FHL2: variants seen among roughly 807,000 people sequenced by gnomAD.
FHL2 encodes the protein four and a half LIM domains 2.
Under a neutral mutation model 32.7 loss-of-function variants are expected in FHL2, and 20 were observed. The ratio of observed to expected loss-of-function variants is 0.61; its 90% CI spans 0.43 to 0.89. The LOEUF is 0.89. Ranked by LOEUF, FHL2 falls within the 40% of genes least tolerant of loss-of-function variation. The pLI, the probability that FHL2 is intolerant of heterozygous loss-of-function variation, is 0.00. For synonymous variants in FHL2, 123 were observed against 128.1 expected (o/e 0.96, Z 0.27); for missense variants, 311 against 358.6 (o/e 0.87, Z 1.07).
intron 2 of FHL2, among the ~76,000 whole-genome samples, chr2:105,394,502 G>A (rs568094838): frequency 2.0e-5 from 3 of 151,914 alleles, no homozygotes; most frequent in East Asian, 3.9e-4. Flanking sequence ...GAGCCCAGGG[G>A]TTTGAGGCTT....
At chr2:105,423,688 G>C (rs188137500) in intron 1 of FHL2, among the ~76,000 whole-genome samples, 178 of 152,256 alleles carry the variant, frequency 1.2e-3, no homozygotes, top group African/African-American at 4.1e-3. Context: ...ATATAGACCA[G>C]TGGAACATAA....
chr2:105,431,537 C>T (rs1324959494), intron 1 of FHL2, among the ~76,000 whole-genome samples: 1 of 152,178 alleles, frequency 6.6e-6, no homozygotes, highest in Non-Finnish European at 1.5e-5. Context: ...CAGGGCAGTG[C>T]TTGGCACAGC....
chr2:105,376,868 T>C (rs1002997771), intron 3 of FHL2: 2 of 152,254 alleles, frequency 1.3e-5, no homozygotes, highest in African/African-American at 4.8e-5. Flanking sequence ...TGCTACAGCA[T>C]GGATGAATCT....
intron 1 of FHL2, among the ~76,000 whole-genome samples, chr2:105,411,957 C>G (rs1683806264): frequency 6.6e-6 from 1 of 152,148 alleles, no homozygotes; most frequent in South Asian, 2.1e-4. Flanking sequence ...GAATAAATCT[C>G]ACTCCATCCC....
chr2:105,429,946 AC>A (rs1435801531), intron 1 of FHL2, among the ~76,000 whole-genome samples: 1 of 152,174 alleles, frequency 6.6e-6, no homozygotes, highest in African/African-American at 2.4e-5. Context: ...CAAGTGACCG[AC>A]AAGGTTACTG....
chr2:105,399,301 G>C (rs1200989405), upstream of FHL2: 1 of 1,535,726 alleles, frequency 6.5e-7, no homozygotes, highest in African/African-American at 1.4e-5. Context: ...CGCCTCCGGC[G>C]TGGGCTCTCG....
chr2:105,435,585 G>A (rs1573416134), intron 1 of FHL2, among the ~76,000 whole-genome samples: 2 of 152,154 alleles, frequency 1.3e-5, no homozygotes, highest in South Asian at 4.1e-4. Context: ...ACTTTGGGAG[G>A]CTGAGGCAGG....
At chr2:105,391,415 G>T (rs530189618) in intron 2 of FHL2, among the ~76,000 whole-genome samples, 1 of 152,268 alleles carries the variant, frequency 6.6e-6, no homozygotes, top group South Asian at 2.1e-4. Context: ...TGCTATCTGT[G>T]CTAGGAACAG....
At chr2:105,393,280 T>C (rs923925477) in intron 2 of FHL2, among the ~76,000 whole-genome samples, 2 of 152,118 alleles carry the variant, frequency 1.3e-5, no homozygotes, top group Non-Finnish European at 2.9e-5. Flanking sequence ...TCCTCTAACA[T>C]AGCCATTTCC....
intron 1 of FHL2, among the ~76,000 whole-genome samples, chr2:105,430,656 G>A (rs1371741127): frequency 2.0e-5 from 3 of 152,158 alleles, no homozygotes; most frequent in Non-Finnish European, 2.9e-5. Context: ...CAACAAGAGC[G>A]AAACTCCATC....
chr2:105,362,629 C>G (rs1337465971), intron 6 of FHL2, among the ~76,000 whole-genome samples: 2 of 152,218 alleles, frequency 1.3e-5, no homozygotes, highest in Non-Finnish European at 2.9e-5. Flanking sequence ...ACACTTTTCT[C>G]TCCCCACCCA....
At chr2:105,368,162 G>T (rs925260585) in intron 4 of FHL2, among the ~76,000 whole-genome samples, 6 of 152,160 alleles carry the variant, frequency 3.9e-5, no homozygotes, top group South Asian at 4.1e-4. Context: ...ACCCCGTCTG[G>T]TTCACAGCAG....
At chr2:105,415,703 G>A (rs1482190977) in intron 1 of FHL2, among the ~76,000 whole-genome samples, 1 of 152,144 alleles carries the variant, frequency 6.6e-6, no homozygotes, top group Non-Finnish European at 1.5e-5. Flanking sequence ...TCCTAAAATA[G>A]AACCAACAAT....
At chr2:105,374,895 T>C (rs1459935079) in intron 3 of FHL2, among the ~76,000 whole-genome samples, 1 of 152,228 alleles carries the variant, frequency 6.6e-6, no homozygotes, top group African/African-American at 2.4e-5. Context: ...CTCTGCACGG[T>C]TTCCTGGGCA....
chr2:105,420,820 G>A (rs539144837), intron 1 of FHL2, among the ~76,000 whole-genome samples: 2 of 152,292 alleles, frequency 1.3e-5, no homozygotes, highest in East Asian at 3.9e-4. Flanking sequence ...GCTCCTGTAA[G>A]TATCTAACGC....
At chr2:105,414,547 T>C (rs1037572843) in intron 1 of FHL2, among the ~76,000 whole-genome samples, 2 of 151,898 alleles carry the variant, frequency 1.3e-5, no homozygotes, top group African/African-American at 4.8e-5. Flanking sequence ...AGGTTTTTGT[T>C]TGGTTTGGTT....
At chr2:105,379,887 C>T (rs962503950) in intron 3 of FHL2, among the ~76,000 whole-genome samples, 163 of 152,210 alleles carry the variant, frequency 1.1e-3, no homozygotes, top group African/African-American at 3.8e-3. Context: ...CCATGTGCCA[C>T]GCCGGCGACC....
chr2:105,385,976 A>G (rs893396517), intron 3 of FHL2: 3 of 362,472 alleles, frequency 8.3e-6, no homozygotes, highest in Admixed American at 4.5e-5. Flanking sequence ...TCATTCATCA[A>G]ATATTGACTG....
intron 1 of FHL2, among the ~76,000 whole-genome samples, chr2:105,415,985 A>G (rs950483526): frequency 6.6e-6 from 1 of 152,220 alleles, no homozygotes; most frequent in Non-Finnish European, 1.5e-5. Flanking sequence ...ACCATATTCA[A>G]TCAATTTCAA....
Sources: gnomAD v4.1 joint callset for allele counts (sites outside exome capture counted in the v4.1 genomes callset) on GRCh38, gnomAD v4.1.1 for gene constraint, MANE v1.5 for transcripts, NCBI Gene and HGNC (gene_info 2026-07-23, HGNC 2026-07-21) for gene names.